Variants in AGL observed in about 807,000 individuals in gnomAD.
AGL encodes glycogen debranching enzyme.
Under a neutral mutation model 199.3 loss-of-function variants are expected in AGL, and 128 were observed. The ratio of observed to expected loss-of-function variants is 0.64; its 90% confidence interval spans 0.56 to 0.74. The LOEUF is 0.74. Ranked by LOEUF, AGL falls within the 30% of genes least tolerant of loss-of-function variation. The pLI, the probability that AGL is intolerant of heterozygous loss-of-function variation, is 0.00. For synonymous variants in AGL, 584 were observed against 594.7 expected, an observed-to-expected ratio of 0.98 and a Z score of 0.26; for missense variants, 1,809 against 1,820.8, an observed-to-expected ratio of 0.99 and a Z score of 0.12.
At position 99,907,693 on chromosome 1, in the gene AGL, G is replaced by GTTTTTTGTTTTTTTT. The variant is rs1553191713; in HGVS notation, c.3701-3013_3701-3012insGTTTTTTTTTTTTTT. 1.1e-3 allele frequency among the ~76,000 whole-genome samples: 130 copies of GTTTTTTGTTTTTTTT among 118,964 alleles called. 2 individuals carry two copies. Among genetic ancestry groups the GTTTTTTGTTTTTTTT allele is most frequent in the East Asian group, 3.8e-3 (14 of 3,682 alleles). 78.0% of individuals were successfully genotyped at this position (118,964 alleles called of 152,430 possible). On this transcript the variant is annotated intron_variant, in intron 27 of 33. Transcript: ENST00000361915. ...TTTTGTTCGTTTGTTTTTGTTTTTT[G>GTTTTTTGTTTTTTTT]TTTTTTTTGCTAGTAGCCATCCTAA...
intron 24 of AGL, among the ~76,000 whole-genome samples, chr1:99,894,611 C>G (rs1653162440): frequency 6.6e-6 from 1 of 152,092 alleles, no homozygotes; most frequent in Non-Finnish European, 1.5e-5. Flanking sequence ...TTGGAGACAA[C>G]ATAGGTAGGA....
rs372670218 is a variant in AGL, at chr1:99,852,652, A to G, written c.82+1528A>G. 3.9e-6 allele frequency: 3 copies of G among 770,170 alleles called. No homozygotes were observed. In the African/African-American group the frequency reaches 5.1e-5, roughly 13 times the overall value. The allele number at this position is 770,170 out of a possible 1,614,324, so 47.7% of individuals were successfully genotyped here. On this transcript the variant is annotated intron_variant, in intron 2 of 33. Coordinates refer to ENST00000361915, the MANE Select transcript of AGL (RefSeq NM_000642.3). ...TGGCCTCTGAAAGTACTGGGATTAC[A>G]AGCATAAGCCACCGGGCATGGCCCC... is the stretch of plus-strand genomic sequence containing the variant.
chr1:99,913,220 TAA>T (rs1021980205), intron 29 of AGL, among the ~76,000 whole-genome samples: 4 of 142,388 alleles, frequency 2.8e-5, no homozygotes, highest in South Asian at 2.2e-4. Context: ...GACGCTGTCT[TAA>T]AAAAAAAAAA....
intron 5 of AGL, among the ~76,000 whole-genome samples, 186 bp downstream of exon 5, chr1:99,864,775 C>T (rs1232575611): frequency 1.3e-5 from 2 of 152,130 alleles, no homozygotes; most frequent in African/African-American, 4.8e-5. Context: ...TCAAAGAAAA[C>T]ATTCTTAATT....
chr1:99,915,445 A>G lies in AGL; in HGVS notation c.4218A>G (p.Lys1406=). The change falls in exon 31 of 34, where the codon AAA becomes AAG. Residue 1406 remains lysine (K), a synonymous_variant. Coordinates refer to ENST00000361915, the MANE Select transcript of AGL (RefSeq NM_000642.3). ...GGAAAGCTTTGGAGATTGCAGAAAA[A>G]AAATTGCTTGGTCCCCTTGGCATGA... The part of the protein sequence containing the change: ...KAWKALEIAE[K]KLLGPLGMKT... 6.2e-7 allele frequency: 1 copy of G among 1,614,000 alleles called. No individual in the cohort carries two copies. Among genetic ancestry groups the G allele is most frequent in the South Asian group, 1.1e-5 (1 of 91,074 alleles).
chr1:99,872,134 AATTT>A (rs1257390210), intron 7 of AGL, among the ~76,000 whole-genome samples: 1 of 152,004 alleles, frequency 6.6e-6, no homozygotes, highest in African/African-American at 2.4e-5. Flanking sequence ...AAAGTACTTG[AATTT>A]ATTTAGCCTT....
intron 2 of AGL, among the ~76,000 whole-genome samples, chr1:99,857,657 C>G (rs1263738659): frequency 6.6e-6 from 1 of 151,410 alleles, no homozygotes; most frequent in Non-Finnish European, 1.5e-5. Context: ...CAAAAAAATA[C>G]GAAAACCAGT....
chr1:99,881,284 T>A lies in AGL; in HGVS notation c.2002-8T>A. The A allele has an allele frequency of 6.2e-7, 1 of 1,614,084 alleles. No individual in the cohort carries two copies. The highest frequency in any genetic ancestry group is 8.5e-7 in the Non-Finnish European group (1 of 1,179,982). ...GATGTATCCATGCTAAATTTTACCT[T>A]TGTCCAGATTTCAGTGGTTTCTGAA... On this transcript the variant is annotated splice_region_variant and splice_polypyrimidine_tract_variant and intron_variant, in intron 15 of 33. Coordinates refer to ENST00000361915, the MANE Select transcript of AGL (RefSeq NM_000642.3).
At chr1:99,883,536 T>TA (rs1168446098) in intron 17 of AGL, among the ~76,000 whole-genome samples, 4 of 152,268 alleles carry the variant, frequency 2.6e-5, no homozygotes, top group African/African-American at 9.6e-5. Context: ...TGAATGAATC[T>TA]AAAAAATACA....
intron 26 of AGL, among the ~76,000 whole-genome samples, chr1:99,901,382 T>TA (rs58305886): frequency 0.4 from 43,259 of 107,370 alleles, 8,854 homozygotes; most frequent in East Asian, 0.52. Context: ...TCAGTCTCTT[T>TA]AAAAAAAAAA....
intron 20 of AGL, among the ~76,000 whole-genome samples, chr1:99,887,030 A>C (rs1046477644): frequency 4.6e-5 from 7 of 152,212 alleles, no homozygotes; most frequent in Non-Finnish European, 1.0e-4. Context: ...AATGGAGTTG[A>C]TACTGAGACT....
In AGL at chr1:99,884,613, G is replaced by A. The variant is rs776599112; in HGVS notation, c.2591G>A (p.Arg864Gln). The A allele has an allele frequency of 8.1e-6, 13 of 1,613,692 alleles. No individual in the cohort carries two copies. Among genetic ancestry groups the A allele is most frequent in the East Asian group, 6.7e-5 (3 of 44,876 alleles). ...PHAQVAVGIL[R>Q]NHLTQFSPHF... ...GCACAAGTCGCTGTTGGAATTCTTC[G>A]AAATCATCTGACACAATTCAGTCCT... The change falls in exon 20 of 34, where the codon CGA becomes CAA. Residue 864 changes from arginine to glutamine, a missense_variant. Transcript: ENST00000361915.
chr1:99,921,161 T>G (rs1043432696), intron 33 of AGL, among the ~76,000 whole-genome samples: 55 of 132,206 alleles, frequency 4.2e-4, no homozygotes, highest in African/African-American at 1.6e-3. Flanking sequence ...CTTCATTACT[T>G]TTACTTTTAC....
rs372262923 is a variant in AGL at position 99,916,456 on chromosome 1, A to C, written c.4306A>C (p.Asn1436His). 1.9e-6 allele frequency: 3 copies of C among 1,612,768 alleles called. No homozygotes were observed. The highest frequency in any genetic ancestry group is 2.5e-6 in the Non-Finnish European group (3 of 1,179,324). The change falls in exon 32 of 34, where the codon AAC (asparagine) becomes CAC (histidine). Residue 1436 changes from asparagine to histidine, a missense_variant. Physicochemically the swap from Asn to His is moderately conservative, Grantham distance 68. Transcript: ENST00000361915. Reference sequence around the variant, plus strand: ...TTATGACAATGCATTAGACAATGACAACTACAATCTTGCTAAAGGTTTCAA... The same window carrying C: ...TTATGACAATGCATTAGACAATGACCACTACAATCTTGCTAAAGGTTTCAA... ...GIYDNALDND[N>H]YNLAKGFNYH...
chr1:99,890,496 T>TTG, intron 21 of AGL, among the ~76,000 whole-genome samples: 1 of 152,130 alleles, frequency 6.6e-6, no homozygotes, highest in Non-Finnish European at 1.5e-5. Context: ...GCTACATACC[T>TTG]AGTAAAATTC....
Position 99,900,753 on chromosome 1 carries a change from T to C in AGL, c.3480T>C (p.Cys1160=), listed in dbSNP as rs763652784. The part of the protein sequence containing the change: ...CRDAVWWWLQ[C]IQDYCKMVPN... ...ATGCTGTGTGGTGGTGGCTGCAGTG[T>C]ATCCAGGATTACTGTAAAATGGTTC... Residue 1160 remains cysteine (C), a synonymous_variant, in exon 26 of 34, where the codon TGT becomes TGC. Coordinates refer to ENST00000361915, the MANE Select transcript of AGL (RefSeq NM_000642.3). 6.2e-7 allele frequency: 1 copy of C among 1,614,156 alleles called. No individual in the cohort carries two copies. Among genetic ancestry groups the C allele is most frequent in the South Asian group, 1.1e-5 (1 of 91,084 alleles).
intron 2 of AGL, among the ~76,000 whole-genome samples, chr1:99,853,215 A>G (rs544706249): frequency 6.6e-6 from 1 of 152,284 alleles, no homozygotes; most frequent in African/African-American, 2.4e-5. Flanking sequence ...GACTTCTAAG[A>G]CATTCTGTAA....
intron 7 of AGL, among the ~76,000 whole-genome samples, chr1:99,873,835 C>G (rs1403623046): frequency 6.6e-6 from 1 of 152,176 alleles, no homozygotes; most frequent in African/African-American, 2.4e-5. Context: ...TGAATAACCA[C>G]TACACTATGA....
chr1:99,909,045 A>C (rs796535351), intron 27 of AGL, among the ~76,000 whole-genome samples: 2 of 152,106 alleles, frequency 1.3e-5, no homozygotes, highest in African/African-American at 4.8e-5. Context: ...TCCTCTTCAG[A>C]TCTTCCCTGA....
Sources: gnomAD v4.1 joint callset for allele counts (sites outside exome capture counted in the v4.1 genomes callset) on GRCh38, gnomAD v4.1.1 for gene constraint, MANE v1.5 for transcripts, NCBI Gene and HGNC (gene_info 2026-07-23, HGNC 2026-07-21) for gene names.